The following CSRNP3 variants were observed in gnomAD, a reference collection of about 807,000 sequenced individuals.
The protein encoded by CSRNP3 is cysteine/serine-rich nuclear protein 3.
CSRNP3 carries 12 observed loss-of-function variants against 48.0 expected under a neutral mutation model. That is an observed-to-expected ratio of 0.25 (90% CI 0.16 to 0.41). The LOEUF is 0.41. Among genes scored for constraint, CSRNP3 ranks in the 10% least tolerant of loss-of-function variants. CSRNP3 has a pLI of 1.00. For missense variants in CSRNP3, 580 were observed against 724.4 expected, an observed-to-expected ratio of 0.80 and a Z score of 2.29; for synonymous variants, 263 against 269.7, an observed-to-expected ratio of 0.98 and a Z score of 0.24.
chr2:165,575,108 A>T lies in CSRNP3; in HGVS notation c.-23-19935A>T, dbSNP rs547873767. Among the ~76,000 whole-genome samples, 19 of 152,304 alleles carry T rather than the reference A, an allele frequency of 1.2e-4. No homozygotes were observed. In the East Asian group the frequency reaches 3.7e-3, roughly 29 times the overall value. The stretch of plus-strand genomic sequence containing the variant: ...TTCCTATGACTTTTCCTTTCAGTTA[A>T]GTCTGCATTGTAAAGGGATCCTTAT... On this transcript the variant is annotated intron_variant, in intron 3 of 6. Coordinates refer to ENST00000651982, the MANE Select transcript of CSRNP3 (RefSeq NM_001172173.2).
intron 2 of CSRNP3, among the ~76,000 whole-genome samples, chr2:165,505,025 A>T (rs140376707): frequency 1.8e-4 from 27 of 152,230 alleles, no homozygotes; most frequent in Non-Finnish European, 2.8e-4. Context: ...CATTGTATGG[A>T]TTAGAGAAAA....
At chr2:165,674,659 CATATATATATAAATACTTCTGA>C (rs1558970740) in intron 5 of CSRNP3, among the ~76,000 whole-genome samples, 4 of 114,056 alleles carry the variant, frequency 3.5e-5, no homozygotes, top group African/African-American at 1.5e-4. Flanking sequence ...ATAAAGTATT[CATATATATATAAATACTTCTGA>C]ATATATATAT....
intron 4 of CSRNP3, among the ~76,000 whole-genome samples, chr2:165,614,178 G>T (rs1031757042): frequency 7.9e-5 from 12 of 151,512 alleles, no homozygotes; most frequent in Non-Finnish European, 1.2e-4. Context: ...TTATTCACAG[G>T]TTTTTTTTAT....
At chr2:165,490,967 A>G (rs1480343370) in intron 1 of CSRNP3, among the ~76,000 whole-genome samples, 1 of 140,192 alleles carries the variant, frequency 7.1e-6, no homozygotes, top group Non-Finnish European at 1.6e-5. Flanking sequence ...TTTAAACTAA[A>G]GAGCTTCTGC....
chr2:165,554,934 C>G (rs1045133403), intron 3 of CSRNP3, among the ~76,000 whole-genome samples: 4 of 152,198 alleles, frequency 2.6e-5, no homozygotes, highest in African/African-American at 9.7e-5. Context: ...GACTTCATCT[C>G]CTCACTCCCT....
Position 165,601,129 on chromosome 2 carries a change from A to T in CSRNP3, c.148+5916A>T, listed in dbSNP as rs747869304. On this transcript the variant is annotated intron_variant, in intron 4 of 6. Coordinates refer to ENST00000651982, the MANE Select transcript of CSRNP3 (RefSeq NM_001172173.2). ...GGTCATATCTTGTACTTCCCTTGAG[A>T]TAGAAACAGCAGAGTCTGTATTGCT... Among the ~76,000 whole-genome samples the T allele has an allele frequency of 5.7e-4, 87 of 152,338 alleles. 1 individual carries two copies. The highest frequency in any genetic ancestry group is 6.8e-3 in the Middle Eastern group (2 of 294).
chr2:165,521,873 A>C (rs1288502937), intron 3 of CSRNP3, among the ~76,000 whole-genome samples: 2 of 152,182 alleles, frequency 1.3e-5, no homozygotes, highest in African/African-American at 4.8e-5. Flanking sequence ...TCAGAGCAAA[A>C]TTAGCCCAGA....
At chr2:165,576,218 C>CAT (rs999676565) in intron 3 of CSRNP3, among the ~76,000 whole-genome samples, 43 of 151,286 alleles carry the variant, frequency 2.8e-4, no homozygotes, top group Non-Finnish European at 4.4e-4. Context: ...CACACACACA[C>CAT]ATATATATAT....
chr2:165,575,069 T>A (rs904510265), intron 3 of CSRNP3, among the ~76,000 whole-genome samples: 12 of 152,184 alleles, frequency 7.9e-5, no homozygotes, highest in Admixed American at 1.3e-4. Flanking sequence ...CTATTTGAAT[T>A]TAACGTGTTC....
At chr2:165,576,250 T>A (rs1433565442) in intron 3 of CSRNP3, among the ~76,000 whole-genome samples, 4 of 151,782 alleles carry the variant, frequency 2.6e-5, no homozygotes, top group Non-Finnish European at 5.9e-5. Context: ...AAAGAAAATA[T>A]TTTCAGTGGT....
intron 4 of CSRNP3, among the ~76,000 whole-genome samples, chr2:165,597,183 C>T (rs1685826087): frequency 6.6e-6 from 1 of 152,092 alleles, no homozygotes; most frequent in Non-Finnish European, 1.5e-5. Flanking sequence ...GATTATGTTT[C>T]TGGATATAAA....
At chr2:165,531,194 C>T (rs1684807362) in intron 3 of CSRNP3, among the ~76,000 whole-genome samples, 1 of 152,066 alleles carries the variant, frequency 6.6e-6, no homozygotes, top group Non-Finnish European at 1.5e-5. Context: ...ATTTATTTGA[C>T]AGTAATTCTG....
chr2:165,649,782 G>A (rs1686875035), intron 4 of CSRNP3, among the ~76,000 whole-genome samples: 1 of 152,130 alleles, frequency 6.6e-6, no homozygotes, highest in African/African-American at 2.4e-5. Context: ...AAAAAAATAA[G>A]ACCCCTGACT....
chr2:165,591,933 G>A lies in CSRNP3; in HGVS notation c.-23-3110G>A, dbSNP rs577026484. 1.4e-4 allele frequency among the ~76,000 whole-genome samples: 21 copies of A among 152,126 alleles called. No homozygotes were observed. The South Asian group carries it at 4.4e-3, about 32-fold the overall frequency. ...CACTGGGGCACTGCCTAGTGGAACT[G>A]TGAGAAGAGGGCTGCTGTCCTCCAG... is the stretch of plus-strand genomic sequence containing the variant. On this transcript the variant is annotated intron_variant, in intron 3 of 6. Coordinates refer to ENST00000651982, the MANE Select transcript of CSRNP3 (RefSeq NM_001172173.2).
At chr2:165,660,270 A>G (rs1687074680) in intron 5 of CSRNP3, among the ~76,000 whole-genome samples, 1 of 152,232 alleles carries the variant, frequency 6.6e-6, no homozygotes. Context: ...ACATGATTTA[A>G]TGTAATCCTC....
intron 3 of CSRNP3, among the ~76,000 whole-genome samples, chr2:165,580,785 C>G (rs1350826747): frequency 6.6e-6 from 1 of 151,646 alleles, no homozygotes; most frequent in Non-Finnish European, 1.5e-5. Context: ...TTTTTAAGTG[C>G]TAAGAAGAAA....
intron 4 of CSRNP3, among the ~76,000 whole-genome samples, chr2:165,623,291 G>A (rs1053039533): frequency 2.6e-5 from 4 of 152,104 alleles, no homozygotes; most frequent in African/African-American, 9.7e-5. Flanking sequence ...AAGCATAACC[G>A]CCTGAGCTAC....
intron 1 of CSRNP3, among the ~76,000 whole-genome samples, chr2:165,476,130 T>C (rs906740078): frequency 6.6e-6 from 1 of 152,228 alleles, no homozygotes; most frequent in Non-Finnish European, 1.5e-5. Flanking sequence ...CCCATTCTCC[T>C]GAGTTAAATT....
intron 5 of CSRNP3, among the ~76,000 whole-genome samples, chr2:165,674,744 C>T (rs1441232388): frequency 7.0e-6 from 1 of 142,956 alleles, no homozygotes; most frequent in Non-Finnish European, 1.5e-5. Context: ...TAGGGTCTCA[C>T]TCTGTCACCC....
Sources: gnomAD v4.1 joint callset for allele counts (sites outside exome capture counted in the v4.1 genomes callset) on GRCh38, gnomAD v4.1.1 for gene constraint, MANE v1.5 for transcripts, NCBI Gene and HGNC (gene_info 2026-07-23, HGNC 2026-07-21) for gene names.